The following CD46 variants were observed in gnomAD, a reference collection of about 807,000 sequenced individuals.
CD46 encodes the protein membrane cofactor protein.
In CD46, 30 loss-of-function variants were observed where a neutral mutation model predicts 53.3. That is an observed-to-expected ratio of 0.56 (90% CI 0.42 to 0.76). The LOEUF (loss-of-function observed/expected upper bound fraction) is 0.76. Ranked by LOEUF, CD46 falls within the 30% of genes least tolerant of loss-of-function variation. The pLI, the probability that CD46 is intolerant of heterozygous loss-of-function variation, is 0.00. For synonymous variants in CD46, 142 were observed against 152.0 expected (o/e 0.93, Z 0.48); for missense variants, 409 against 463.0 (o/e 0.88, Z 1.07).
At chr1:207,784,666 G>T (rs1251878044) in intron 9 of CD46, among the ~76,000 whole-genome samples, 2 of 152,188 alleles carry the variant, frequency 1.3e-5, no homozygotes, top group Non-Finnish European at 2.9e-5. Flanking sequence ...CTGAGACCGG[G>T]TAATTTATAA....
intron 11 of CD46, among the ~76,000 whole-genome samples, chr1:207,787,371 C>G (rs548436909): frequency 1.2e-4 from 19 of 152,108 alleles, no homozygotes; most frequent in Middle Eastern, 3.4e-3. Context: ...CGCGCCCGGC[C>G]TTAATGGGTC....
At chr1:207,753,360 G>A (rs188556541) in intron 1 of CD46, among the ~76,000 whole-genome samples, 3 of 152,326 alleles carry the variant, frequency 2.0e-5, no homozygotes, top group Admixed American at 1.3e-4. Context: ...TCATTGAATG[G>A]AATCAATACT....
At chr1:207,792,119 T>C (rs1370993049) in intron 12 of CD46, among the ~76,000 whole-genome samples, 2 of 151,930 alleles carry the variant, frequency 1.3e-5, no homozygotes, top group Non-Finnish European at 2.9e-5. Context: ...CTACTAAAAA[T>C]ACAAACATTA....
At chr1:207,753,892 G>T (rs1006785313) in intron 1 of CD46, among the ~76,000 whole-genome samples, 5 of 152,106 alleles carry the variant, frequency 3.3e-5, no homozygotes, top group African/African-American at 9.7e-5. Context: ...CAACGAATAT[G>T]GGTCTTGTAT....
At position 207,795,432 on chromosome 1, in the gene CD46, T is replaced by A. The variant is rs1011339601; in HGVS notation, c.*1955T>A. Reference sequence around the variant, plus strand: ...GCTATAAAATGAGAAGTCTCACTGATAGAGGTTCTTTATTGCTCATTTTTT... The same window carrying A: ...GCTATAAAATGAGAAGTCTCACTGAAAGAGGTTCTTTATTGCTCATTTTTT... On this transcript the variant is annotated 3_prime_UTR_variant, in exon 13 of 13. Coordinates refer to ENST00000367042, the MANE Select transcript of CD46 (RefSeq NM_172351.3). 6.6e-6 allele frequency: 1 copy of A among 152,260 alleles called. No individual in the cohort carries two copies. Among genetic ancestry groups the A allele is most frequent in the African/African-American group, 2.4e-5 (1 of 41,472 alleles). The allele number at this position is 152,260 out of a possible 1,614,324, so 9.4% of individuals were successfully genotyped here.
chr1:207,790,190 T>C, intron 11 of CD46, 63 bp from the exon 12 acceptor site: 1 of 826,606 alleles, frequency 1.2e-6, no homozygotes, highest in Non-Finnish European at 2.2e-6. Flanking sequence ...CTTGTTATGC[T>C]ACTCGTTTCT....
intron 12 of CD46, among the ~76,000 whole-genome samples, chr1:207,791,847 A>G (rs1659826466): frequency 1.3e-5 from 2 of 152,242 alleles, no homozygotes; most frequent in African/African-American, 4.8e-5. Context: ...CATCTTCAAA[A>G]TAGCTTCATT....
intron 5 of CD46, among the ~76,000 whole-genome samples, chr1:207,763,938 C>T (rs1558053032): frequency 7.0e-6 from 1 of 143,176 alleles, no homozygotes; most frequent in Non-Finnish European, 1.5e-5. Context: ...GTGGGGAAAA[C>T]ACACACAGCT....
At chr1:207,777,397 G>C (rs1658232922) in intron 8 of CD46, among the ~76,000 whole-genome samples, 2 of 152,066 alleles carry the variant, frequency 1.3e-5, no homozygotes, top group African/African-American at 4.8e-5. Flanking sequence ...AAGTAAACGT[G>C]TCACAGGGAT....
At chr1:207,753,452 C>T (rs1404713996) in intron 1 of CD46, among the ~76,000 whole-genome samples, 1 of 152,222 alleles carries the variant, frequency 6.6e-6, no homozygotes, top group Non-Finnish European at 1.5e-5. Flanking sequence ...GGGTGATTGC[C>T]TGTGCCCAGG....
chr1:207,757,207 G>C lies in CD46; in HGVS notation c.286+5G>C. On this transcript the variant is annotated splice_donor_5th_base_variant and intron_variant, in intron 2 of 12. Coordinates refer to ENST00000367042, the MANE Select transcript of CD46 (RefSeq NM_172351.3). ...TCTCAGATGACGCCTGTTATAGTAAGTAAACAAACCTCTTTTTTTTTTCTG... is the reference window on the plus strand; with the variant it reads ...TCTCAGATGACGCCTGTTATAGTAACTAAACAAACCTCTTTTTTTTTTCTG... 2.5e-6 allele frequency: 4 copies of C among 1,610,026 alleles called. No individual in the cohort carries two copies. The highest frequency in any genetic ancestry group is 3.4e-6 in the Non-Finnish European group (4 of 1,177,758).
At chr1:207,770,771 A>C (rs1447753090) in intron 8 of CD46, among the ~76,000 whole-genome samples, 1 of 152,150 alleles carries the variant, frequency 6.6e-6, no homozygotes, top group African/African-American at 2.4e-5. Flanking sequence ...CATGGTGTAT[A>C]TGTGCCACAT....
chr1:207,778,010 C>T (rs1023315351), intron 8 of CD46, among the ~76,000 whole-genome samples: 9 of 152,032 alleles, frequency 5.9e-5, no homozygotes, highest in Admixed American at 2.6e-4. Context: ...ATCTCACTGC[C>T]GTTTTGATTT....
Position 207,794,326 on chromosome 1 carries a change from A to G in CD46, c.*849A>G, listed in dbSNP as rs1360201943. The G allele has an allele frequency of 6.6e-6, 1 of 152,348 alleles. No individual in the cohort carries two copies. The highest frequency in any genetic ancestry group is 2.4e-5 in the African/African-American group (1 of 41,470). 9.4% of individuals were successfully genotyped at this position (152,348 alleles called of 1,614,324 possible). On this transcript the variant is annotated 3_prime_UTR_variant, in exon 13 of 13. Transcript: ENST00000367042. ...AAGAAGTGAGAGGACTCTGACAGCC[A>G]TAACAGGAGTGCCACTTCATGGTGC...
intron 4 of CD46, chr1:207,760,485 G>A (rs572770666): frequency 6.6e-6 from 1 of 152,266 alleles, no homozygotes; most frequent in South Asian, 2.1e-4. Context: ...AAATTGCAAA[G>A]GATTTCTTAA....
At chr1:207,757,903 A>C (rs1655743868) in intron 3 of CD46, among the ~76,000 whole-genome samples, 1 of 152,230 alleles carries the variant, frequency 6.6e-6, no homozygotes, top group Non-Finnish European at 1.5e-5. Context: ...TAATCATGAG[A>C]ATTTGTCCTT....
At chr1:207,775,870 G>A (rs1196955773) in intron 8 of CD46, among the ~76,000 whole-genome samples, 2 of 152,164 alleles carry the variant, frequency 1.3e-5, no homozygotes, top group African/African-American at 2.4e-5. Context: ...AAGCTCGAAT[G>A]CCATGTTCAG....
At chr1:207,770,250 T>A in intron 7 of CD46, 71 bp from the exon 8 acceptor site, 1 of 1,103,296 alleles carries the variant, frequency 9.1e-7, no homozygotes, top group Admixed American at 1.8e-5. Context: ...AAAATCAATA[T>A]CAAAATTAAA....
chr1:207,759,692 C>A lies in CD46; in HGVS notation c.443C>A (p.Ala148Glu). The change falls in exon 4 of 13, where the codon GCA becomes GAA. Residue 148 changes from alanine to glutamate, a missense_variant. Physicochemically the swap from Ala to Glu is moderately radical, Grantham distance 107. Transcript: ENST00000367042. ...ILYCELKGSV[A>E]IWSGKPPICE... ...TATTGTGAACTTAAAGGATCAGTAGCAATTTGGAGCGGTAAGCCCCCAATA... is the reference window on the plus strand; with the variant it reads ...TATTGTGAACTTAAAGGATCAGTAGAAATTTGGAGCGGTAAGCCCCCAATA... 6.2e-7 allele frequency: 1 copy of A among 1,605,776 alleles called. No homozygotes were observed. The highest frequency in any genetic ancestry group is 1.3e-5 in the African/African-American group (1 of 74,880).
Sources: allele counts gnomAD v4.1 joint callset (sites outside exome capture counted in the v4.1 genomes callset), GRCh38; gene constraint gnomAD v4.1.1; transcripts MANE v1.5; gene names NCBI Gene and HGNC (gene_info 2026-07-23, HGNC 2026-07-21).